RBM26: variants seen among roughly 807,000 people sequenced by gnomAD.
RBM26 encodes RNA binding motif protein 26.
RBM26 carries 30 observed loss-of-function variants against 123.6 expected under a neutral mutation model. That is an observed-to-expected ratio of 0.24 (90% CI 0.18 to 0.33). RBM26 has a LOEUF of 0.33. Among genes scored for constraint, RBM26 ranks in the 10% least tolerant of loss-of-function variants. The probability of loss-of-function intolerance (pLI) is 1.00; values close to 1 mark genes in which losing one functional copy is unlikely to be tolerated. For missense variants in RBM26, 947 were observed against 1,203.6 expected, an observed-to-expected ratio of 0.79 and a Z score of 3.15; for synonymous variants, 400 against 404.4, an observed-to-expected ratio of 0.99 and a Z score of 0.13.
At chr13:79,344,074 T>C (rs961451594) in intron 16 of RBM26, among the ~76,000 whole-genome samples, 174 bp downstream of exon 16, 2 of 152,058 alleles carry the variant, frequency 1.3e-5, no homozygotes, top group Non-Finnish European at 2.9e-5. Flanking sequence ...AGTTAAAGTA[T>C]AAAGTATACC....
At chr13:79,377,195 G>C in intron 3 of RBM26, 184 bp downstream of exon 3, 1 of 498,760 alleles carries the variant, frequency 2.0e-6, no homozygotes, top group Admixed American at 3.2e-5. Context: ...ATATCCTTTT[G>C]CTGAAATAAG....
intron 1 of RBM26, among the ~76,000 whole-genome samples, chr13:79,387,531 T>C (rs2077589792): frequency 6.7e-6 from 1 of 150,350 alleles, no homozygotes; most frequent in Non-Finnish European, 1.5e-5. Flanking sequence ...TGCGTTAGCA[T>C]TTTATTTCTC....
chr13:79,337,146 C>A lies in RBM26; in HGVS notation c.2689G>T (p.Ala897Ser), dbSNP rs2070559288. 6.2e-7 allele frequency: 1 copy of A among 1,613,952 alleles called. No individual in the cohort carries two copies. The highest frequency in any genetic ancestry group is 1.1e-5 in the South Asian group (1 of 91,082). The change falls in exon 19 of 22, where the codon GCA becomes TCA. Residue 897 changes from alanine (A) to serine (S), a missense_variant. Around this residue, in one of 5 missense-constraint regions of RBM26, gnomAD observed 164 missense variants for 215.3 expected, o/e 0.76. Transcript: ENST00000438737. The part of the protein sequence containing the change: ...DHRPRALEIS[A>S]FTESDREDLL... Reference sequence around the variant, plus strand: ...TCTTCTCTATCGCTCTCCGTAAATGCAGAAATCTCCAATGCCCTGGGACGG... The same window carrying A: ...TCTTCTCTATCGCTCTCCGTAAATGAAGAAATCTCCAATGCCCTGGGACGG...
intron 3 of RBM26, among the ~76,000 whole-genome samples, chr13:79,373,378 TATATATAA>T (rs1301139703): frequency 1.0e-5 from 1 of 98,704 alleles, no homozygotes; most frequent in Non-Finnish European, 1.8e-5. Flanking sequence ...TAATATATAT[TATATATAA>T]ATATATATAA....
chr13:79,405,541 G>T (rs2079456999), intron 1 of RBM26, among the ~76,000 whole-genome samples, 163 bp downstream of exon 1: 4 of 151,782 alleles, frequency 2.6e-5, no homozygotes, highest in Admixed American at 2.6e-4. Context: ...GGGGTATCCT[G>T]AATCTGGAAG....
In RBM26 at chr13:79,344,657, A is replaced by C. The variant is rs897305257; in HGVS notation, c.2184+12T>G. 6.2e-7 allele frequency: 1 copy of C among 1,607,944 alleles called. No individual in the cohort carries two copies. Among genetic ancestry groups the C allele is most frequent in the Non-Finnish European group, 8.5e-7 (1 of 1,177,552 alleles). On this transcript the variant is annotated intron_variant, in intron 15 of 21. Coordinates refer to ENST00000438737, the MANE Select transcript of RBM26 (RefSeq NM_001366735.2). ...ATGCAAAAATTTTTTATACTATACC[A>C]GTTGTACTTACCTGTTTTTTTTTCT... is the stretch of plus-strand genomic sequence containing the variant.
At chr13:79,376,265 T>C (rs1200567422) in intron 3 of RBM26, 3 of 153,414 alleles carry the variant, frequency 2.0e-5, no homozygotes, top group African/African-American at 7.2e-5. Context: ...AATGCTTTGA[T>C]CTGCACCCTC....
At chr13:79,397,502 T>A (rs2078676912) in intron 1 of RBM26, among the ~76,000 whole-genome samples, 1 of 150,278 alleles carries the variant, frequency 6.7e-6, no homozygotes, top group Non-Finnish European at 1.5e-5. Context: ...GATGAAACCC[T>A]GTCGTCTCTA....
chr13:79,392,264 TA>T (rs1288783500), intron 1 of RBM26, among the ~76,000 whole-genome samples: 4 of 134,774 alleles, frequency 3.0e-5, no homozygotes, highest in East Asian at 4.3e-4. Context: ...AATTATTATA[TA>T]ATTATATATT....
At chr13:79,374,100 C>T (rs754307305) in intron 3 of RBM26, among the ~76,000 whole-genome samples, 9 of 152,040 alleles carry the variant, frequency 5.9e-5, no homozygotes, top group Admixed American at 2.6e-4. Context: ...AGGTAGTCTA[C>T]GCACAGGGTA....
intron 1 of RBM26, among the ~76,000 whole-genome samples, chr13:79,405,217 C>T (rs2079424293): frequency 6.6e-6 from 1 of 152,228 alleles, no homozygotes; most frequent in Non-Finnish European, 1.5e-5. Flanking sequence ...CCTGTTACAT[C>T]TTCAATCAGT....
intron 9 of RBM26, among the ~76,000 whole-genome samples, chr13:79,364,129 C>T (rs2075013311): frequency 6.6e-6 from 1 of 151,824 alleles, no homozygotes; most frequent in Non-Finnish European, 1.5e-5. Context: ...TAAAAAAAAT[C>T]TTTTTTCTAT....
At chr13:79,400,108 G>A (rs1002828170) in intron 1 of RBM26, among the ~76,000 whole-genome samples, 1 of 152,106 alleles carries the variant, frequency 6.6e-6, no homozygotes, top group African/African-American at 2.4e-5. Flanking sequence ...AAATCCTAGG[G>A]AGACAGTCTT....
At chr13:79,331,464 CAAAAAAAAAAA>C (rs11452714) in intron 20 of RBM26, among the ~76,000 whole-genome samples, 3 of 128,728 alleles carry the variant, frequency 2.3e-5, no homozygotes, top group Non-Finnish European at 4.8e-5. Context: ...ACTAAAAATA[CAAAAAAAAAAA>C]AAAAAAAAAT....
chr13:79,372,680 CACAA>C (rs1439461538), intron 3 of RBM26, among the ~76,000 whole-genome samples: 39 of 144,492 alleles, frequency 2.7e-4, no homozygotes, highest in African/African-American at 9.9e-4. Context: ...CATACACACA[CACAA>C]ACATATACAT....
intron 3 of RBM26, among the ~76,000 whole-genome samples, chr13:79,372,885 G>A (rs9601222): frequency 0.87 from 29,993 of 34,378 alleles, 13,279 homozygotes; most frequent in Middle Eastern, 0.93. Context: ...TATTTTATAT[G>A]CTATATAAAA....
rs1375012903 is a variant in RBM26 at position 79,406,103 on chromosome 13, C to G, written c.-329G>C. On this transcript the variant is annotated 5_prime_UTR_variant, in exon 1 of 22. Transcript: ENST00000438737. ...ACACGCGCTTAGACCCGAGCCTTCTCTCAGCCTCGGGACCAGGTGCTTGTT... is the reference window on the plus strand; with the variant it reads ...ACACGCGCTTAGACCCGAGCCTTCTGTCAGCCTCGGGACCAGGTGCTTGTT... 9.6e-6 allele frequency: 2 copies of G among 209,376 alleles called. No individual in the cohort carries two copies. Among genetic ancestry groups the G allele is most frequent in the African/African-American group, 4.6e-5 (2 of 43,306 alleles). The allele number at this position is 209,376 out of a possible 1,614,324, so 13.0% of individuals were successfully genotyped here.
At chr13:79,390,380 T>C (rs2077853834) in intron 1 of RBM26, among the ~76,000 whole-genome samples, 1 of 152,156 alleles carries the variant, frequency 6.6e-6, no homozygotes, top group African/African-American at 2.4e-5. Flanking sequence ...AGAAAAGTTC[T>C]ACAACAGGTA....
chr13:79,381,592 C>T (rs1482186737), intron 1 of RBM26, among the ~76,000 whole-genome samples: 11 of 151,916 alleles, frequency 7.2e-5, no homozygotes, highest in Admixed American at 6.6e-4. Context: ...ATTCTCTCAA[C>T]GAAATACCAA....
Sources: allele counts gnomAD v4.1 joint callset (sites outside exome capture counted in the v4.1 genomes callset), GRCh38; gene constraint gnomAD v4.1.1; regional missense constraint gnomAD v4.1.1; transcripts MANE v1.5; gene names NCBI Gene and HGNC (gene_info 2026-07-23, HGNC 2026-07-21).